Variants in ZMYM4 observed in about 807,000 individuals in gnomAD.
The protein encoded by ZMYM4 is zinc finger MYM-type containing 4, also known as zinc finger MYM-type protein 4.
Under a neutral mutation model 183.2 loss-of-function variants are expected in ZMYM4, and 31 were observed. That is an observed-to-expected ratio of 0.17 (90% CI 0.13 to 0.23). ZMYM4 has a LOEUF of 0.23. Among genes scored for constraint, ZMYM4 ranks in the 10% least tolerant of loss-of-function variants. ZMYM4 has a pLI of 1.00. For missense variants in ZMYM4, 1,273 were observed against 1,840.3 expected, an observed-to-expected ratio of 0.69 and a Z score of 5.64; for synonymous variants, 592 against 631.2, an observed-to-expected ratio of 0.94 and a Z score of 0.93.
chr1:35,275,346 A>G (rs768595390), intron 1 of ZMYM4, among the ~76,000 whole-genome samples: 1 of 151,948 alleles, frequency 6.6e-6, no homozygotes, highest in Non-Finnish European at 1.5e-5. Flanking sequence ...GGTTCAAGCA[A>G]TTCTCCTGCC....
chr1:35,280,535 T>G (rs992384802), intron 1 of ZMYM4, among the ~76,000 whole-genome samples: 4 of 152,210 alleles, frequency 2.6e-5, no homozygotes, highest in Non-Finnish European at 5.9e-5. Context: ...ACCACAAACT[T>G]GGTGGTTTAA....
At chr1:35,382,252 G>A (rs1644479226) in intron 9 of ZMYM4, among the ~76,000 whole-genome samples, 1 of 147,934 alleles carries the variant, frequency 6.8e-6, no homozygotes, top group East Asian at 2.0e-4. Context: ...GTATATATAT[G>A]TAAATATGTA....
chr1:35,305,738 T>C (rs1641507144), intron 1 of ZMYM4, among the ~76,000 whole-genome samples: 1 of 151,682 alleles, frequency 6.6e-6, no homozygotes, highest in Admixed American at 6.6e-5. Context: ...GGAGATGGGA[T>C]TTTTCTTGCT....
chr1:35,338,066 AT>A (rs1643049650), intron 2 of ZMYM4, among the ~76,000 whole-genome samples: 1 of 152,126 alleles, frequency 6.6e-6, no homozygotes, highest in Non-Finnish European at 1.5e-5. Context: ...TGTTCTTTTG[AT>A]TGTTTTTTAA....
chr1:35,355,211 T>G (rs1227539112), intron 2 of ZMYM4, among the ~76,000 whole-genome samples: 1 of 143,016 alleles, frequency 7.0e-6, no homozygotes, highest in Non-Finnish European at 1.5e-5. Context: ...TTTTTTTTTT[T>G]TTTTTTTTTT....
intron 26 of ZMYM4, among the ~76,000 whole-genome samples, chr1:35,411,938 A>G (rs1639919095): frequency 6.6e-6 from 1 of 152,140 alleles, no homozygotes. Context: ...GCTGGAGTGC[A>G]GTGGCACAAT....
chr1:35,271,906 T>C (rs1430483548), intron 1 of ZMYM4, among the ~76,000 whole-genome samples: 1 of 152,084 alleles, frequency 6.6e-6, no homozygotes, highest in Admixed American at 6.6e-5. Context: ...GAGGTTGCAG[T>C]GAGCTATGAT....
At chr1:35,403,273 C>T (rs1402903225) in intron 23 of ZMYM4, among the ~76,000 whole-genome samples, 1 of 151,856 alleles carries the variant, frequency 6.6e-6, no homozygotes, top group Non-Finnish European at 1.5e-5. Context: ...TGCTAATATT[C>T]TGCGAAGGTT....
At chr1:35,385,375 C>T in intron 9 of ZMYM4, 67 bp from the exon 10 acceptor site, 1 of 1,494,294 alleles carries the variant, frequency 6.7e-7, no homozygotes, top group East Asian at 2.3e-5. Flanking sequence ...TGAGTATAAA[C>T]ATTTCGAAGA....
At chr1:35,342,272 AC>A (rs1643227637) in intron 2 of ZMYM4, among the ~76,000 whole-genome samples, 3 of 150,244 alleles carry the variant, frequency 2.0e-5, no homozygotes. Context: ...CTCCCACCTC[AC>A]CCTCCCCCGT....
In ZMYM4 at chr1:35,415,450, C is replaced by T. The variant is rs777560513; in HGVS notation, c.4061-16C>T. The T allele has an allele frequency of 6.2e-7, 1 of 1,613,870 alleles. No individual in the cohort carries two copies. The highest frequency in any genetic ancestry group is 8.5e-7 in the Non-Finnish European group (1 of 1,179,910). On this transcript the variant is annotated splice_polypyrimidine_tract_variant and intron_variant, in intron 27 of 29. Coordinates refer to ENST00000314607, the MANE Select transcript of ZMYM4 (RefSeq NM_005095.3). The stretch of plus-strand genomic sequence containing the variant: ...AGGAGCTCAGTACTGTTTCTTGTAC[C>T]CCTTCTTCTGTCTAGGTTACATGTT...
chr1:35,324,554 G>A (rs968530574), intron 1 of ZMYM4, among the ~76,000 whole-genome samples: 2 of 152,046 alleles, frequency 1.3e-5, no homozygotes, highest in East Asian at 1.9e-4. Flanking sequence ...GATTACTATA[G>A]CTAGCTGTTG....
intron 1 of ZMYM4, among the ~76,000 whole-genome samples, chr1:35,298,822 GT>G (rs1234113238): frequency 3.3e-5 from 5 of 152,182 alleles, no homozygotes; most frequent in Non-Finnish European, 7.3e-5. Context: ...AGAAGAGTGG[GT>G]TTGGAGTTGA....
At chr1:35,344,925 A>T (rs1643336600) in intron 2 of ZMYM4, among the ~76,000 whole-genome samples, 1 of 152,168 alleles carries the variant, frequency 6.6e-6, no homozygotes, top group Admixed American at 6.5e-5. Flanking sequence ...TGTTTTATTT[A>T]CTCAATTCAC....
intron 7 of ZMYM4, among the ~76,000 whole-genome samples, chr1:35,373,852 C>T (rs1425005875): frequency 6.6e-6 from 1 of 151,304 alleles, no homozygotes; most frequent in Non-Finnish European, 1.5e-5. Flanking sequence ...ATCCTAACTT[C>T]TAAAAAAGCT....
rs35016137 is a variant in ZMYM4 at position 35,402,116 on chromosome 1, TAAAAA to T, written c.3528+2556_3528+2560del. Among the ~76,000 whole-genome samples the T allele has an allele frequency of 3.2e-5, 4 of 124,768 alleles. No individual in the cohort carries two copies. In the East Asian group the frequency reaches 6.7e-4, roughly 21 times the overall value. 81.9% of individuals were successfully genotyped at this position (124,768 alleles called of 152,430 possible). ...TTTGGAATCAACTTGTCAATTTCTT[TAAAAA>T]AAAAAAAAAAAAAAAGGCTGCTAGA... On this transcript the variant is annotated intron_variant, in intron 23 of 29. Transcript: ENST00000314607.
Position 35,381,614 on chromosome 1 carries a change from T to C in ZMYM4, c.1425T>C (p.Phe475=). Residue 475 remains phenylalanine, a synonymous_variant, in exon 9 of 30, where the codon TTT becomes TTC. Transcript: ENST00000314607. ...KLCSDACFSK[F]RSANNLTMNC... The stretch of plus-strand genomic sequence containing the variant: ...GCAGTGATGCCTGCTTCTCTAAGTT[T>C]CGTTCTGCTAACAACCTCACCATGA... 1.2e-6 allele frequency: 2 copies of C among 1,614,246 alleles called. No individual in the cohort carries two copies. The highest frequency in any genetic ancestry group is 1.1e-5 in the South Asian group (1 of 91,088).
chr1:35,295,049 C>T (rs529142810), intron 1 of ZMYM4, among the ~76,000 whole-genome samples: 7 of 152,176 alleles, frequency 4.6e-5, no homozygotes, highest in Non-Finnish European at 1.0e-4. Flanking sequence ...ATTGTAGGTA[C>T]GGAGGATACA....
At position 35,416,862 on chromosome 1, in the gene ZMYM4, C is replaced by T. The variant is rs555106353; in HGVS notation, c.4309+1148C>T. On this transcript the variant is annotated intron_variant, in intron 28 of 29. Coordinates refer to ENST00000314607, the MANE Select transcript of ZMYM4 (RefSeq NM_005095.3). ...TACAGGCGTGAGCCACCATGCCTGGCCTCAGTTGGTATTAACTGGGGGAGG... is the reference window on the plus strand; with the variant it reads ...TACAGGCGTGAGCCACCATGCCTGGTCTCAGTTGGTATTAACTGGGGGAGG... Among the ~76,000 whole-genome samples, 27 of 152,266 alleles carry T rather than the reference C, an allele frequency of 1.8e-4. No homozygotes were observed. In the South Asian group the frequency reaches 2.5e-3, roughly 14 times the overall value.
Sources: gnomAD v4.1 joint callset for allele counts (sites outside exome capture counted in the v4.1 genomes callset) on GRCh38, gnomAD v4.1.1 for gene constraint, MANE v1.5 for transcripts, NCBI Gene and HGNC (gene_info 2026-07-23, HGNC 2026-07-21) for gene names.